The following COL23A1 variants were observed in gnomAD, a reference collection of about 807,000 sequenced individuals.
COL23A1 encodes collagen type XXIII alpha 1 chain.
Under a neutral mutation model 99.3 loss-of-function variants are expected in COL23A1, and 97 were observed. That is an observed-to-expected ratio of 0.98 (90% CI 0.83 to 1.16). The LOEUF (loss-of-function observed/expected upper bound fraction) is 1.16. Among genes scored for constraint, COL23A1 ranks in the 50% most tolerant of loss-of-function variants. COL23A1 has a pLI of 0.00. For synonymous variants in COL23A1, 320 were observed against 308.2 expected (o/e 1.04, Z -0.40); for missense variants, 762 against 757.4 (o/e 1.01, Z -0.07).
intron 2 of COL23A1, among the ~76,000 whole-genome samples, chr5:178,338,211 C>A (rs183308714): frequency 6.6e-6 from 1 of 152,216 alleles, no homozygotes; most frequent in Non-Finnish European, 1.5e-5. Flanking sequence ...CCCAGGCAGA[C>A]AGCACAGCTG....
chr5:178,518,949 C>A (rs1475387620), intron 2 of COL23A1, among the ~76,000 whole-genome samples: 1 of 147,388 alleles, frequency 6.8e-6, no homozygotes, highest in Non-Finnish European at 1.5e-5. Flanking sequence ...TGCGGTCGGT[C>A]GCGGCAGCGG....
At chr5:178,405,468 T>C (rs554329372) in intron 2 of COL23A1, among the ~76,000 whole-genome samples, 1 of 152,354 alleles carries the variant, frequency 6.6e-6, no homozygotes, top group African/African-American at 2.4e-5. Flanking sequence ...TCATTATTAA[T>C]GCCTCATTTA....
At chr5:178,250,708 CATG>C (rs1764984749) in intron 17 of COL23A1, among the ~76,000 whole-genome samples, 1 of 125,746 alleles carries the variant, frequency 8.0e-6, no homozygotes, top group Non-Finnish European at 1.9e-5. Context: ...TTTGGCTGGG[CATG>C]GTGGTTCACA....
chr5:178,393,542 T>C (rs2910127), intron 2 of COL23A1, among the ~76,000 whole-genome samples: 46,820 of 152,062 alleles, frequency 0.31, 9,147 homozygotes, highest in African/African-American at 0.56. Context: ...TATGTTTTAC[T>C]ACAATAAAAA....
At chr5:178,250,818 T>C (rs1441129642) in intron 17 of COL23A1, among the ~76,000 whole-genome samples, 4 of 151,822 alleles carry the variant, frequency 2.6e-5, no homozygotes, top group African/African-American at 9.7e-5. Flanking sequence ...CCCCCTCTAC[T>C]AAAAATATAA....
Position 178,424,756 on chromosome 5 carries a change from CCT to C in COL23A1, c.362-117839_362-117838del, listed in dbSNP as rs143105475. On this transcript the variant is annotated intron_variant, in intron 2 of 28. Coordinates refer to ENST00000390654, the MANE Select transcript of COL23A1 (RefSeq NM_173465.4). ...TGGGCCGCCCTGGCAAGTTATTTAT[CCT>C]CTGAGTTACAGACACTGAATCCATA... Among the ~76,000 whole-genome samples the C allele has an allele frequency of 1.0e-3, 159 of 152,306 alleles. 2 individuals carry two copies. Among genetic ancestry groups the C allele is most frequent in the African/African-American group, 3.6e-3 (151 of 41,552 alleles).
At chr5:178,379,491 T>C (rs552902397) in intron 2 of COL23A1, among the ~76,000 whole-genome samples, 2 of 152,304 alleles carry the variant, frequency 1.3e-5, no homozygotes, top group African/African-American at 4.8e-5. Flanking sequence ...GACACATTAT[T>C]CTCTGTATTT....
intron 2 of COL23A1, among the ~76,000 whole-genome samples, chr5:178,445,281 T>TG (rs1413185127): frequency 6.6e-6 from 1 of 152,230 alleles, no homozygotes; most frequent in Non-Finnish European, 1.5e-5. Flanking sequence ...TTTTTTATAC[T>TG]GGGGTCTGTT....
chr5:178,518,869 C>G (rs1352863639), intron 2 of COL23A1, among the ~76,000 whole-genome samples: 1 of 149,126 alleles, frequency 6.7e-6, no homozygotes, highest in Admixed American at 6.7e-5. Context: ...CTCGCCGGCG[C>G]GGCGGCAAAG....
intron 1 of COL23A1, among the ~76,000 whole-genome samples, chr5:178,579,374 A>C (rs560719046): frequency 2.0e-5 from 3 of 152,344 alleles, no homozygotes; most frequent in Admixed American, 6.5e-5. Flanking sequence ...GAGGTTTGGA[A>C]AAACACTCAT....
intron 5 of COL23A1, 85 bp from the exon 6 acceptor site, chr5:178,270,448 G>T: frequency 6.5e-7 from 1 of 1,535,576 alleles, no homozygotes; most frequent in Non-Finnish European, 8.9e-7. Context: ...ACTATTCAGT[G>T]ACAAGAAAAC....
At chr5:178,289,083 C>T (rs1006592914) in intron 4 of COL23A1, among the ~76,000 whole-genome samples, 16 of 152,228 alleles carry the variant, frequency 1.1e-4, no homozygotes, top group Middle Eastern at 6.8e-3. Context: ...TGCCAAACAT[C>T]GCTTGAAGCC....
Position 178,544,736 on chromosome 5 carries a change from C to T in COL23A1, c.361+15946G>A, listed in dbSNP as rs911996242. On this transcript the variant is annotated intron_variant, in intron 2 of 28. Coordinates refer to ENST00000390654, the MANE Select transcript of COL23A1 (RefSeq NM_173465.4). The surrounding 1 kb of genome is among the most constrained non-coding windows in gnomAD (Gnocchi z 4.4). ...CTCAGAGGCACTGTGGGCTCAGCCT[C>T]CAGGTCACCTGCTGCCCCCGTGCCA... Among the ~76,000 whole-genome samples the T allele has an allele frequency of 6.6e-6, 1 of 152,118 alleles. No homozygotes were observed. Among genetic ancestry groups the T allele is most frequent in the African/African-American group, 2.4e-5 (1 of 41,420 alleles).
At chr5:178,261,111 C>T (rs181689062) in intron 11 of COL23A1, among the ~76,000 whole-genome samples, 32 of 152,212 alleles carry the variant, frequency 2.1e-4, no homozygotes, top group Non-Finnish European at 7.4e-5. Context: ...AAAAACTGTT[C>T]TAAAAATAAA....
chr5:178,298,334 C>T (rs753144541), intron 3 of COL23A1, among the ~76,000 whole-genome samples: 8 of 152,156 alleles, frequency 5.3e-5, no homozygotes, highest in Admixed American at 3.9e-4. Flanking sequence ...AGCAGAGGTG[C>T]GTGGTGATCT....
chr5:178,382,530 C>T (rs961500978), intron 2 of COL23A1, among the ~76,000 whole-genome samples: 1 of 152,012 alleles, frequency 6.6e-6, no homozygotes, highest in Non-Finnish European at 1.5e-5. Context: ...GGGTAGGCGA[C>T]GGGGAAGAGT....
chr5:178,331,838 C>T (rs775930644), intron 2 of COL23A1, among the ~76,000 whole-genome samples: 7 of 152,250 alleles, frequency 4.6e-5, no homozygotes, highest in Non-Finnish European at 1.0e-4. Context: ...AGTGACACAG[C>T]TGTCCTGACC....
rs1052510663 is a variant in COL23A1 at position 178,281,892 on chromosome 5, A to C, written c.441+6432T>G. On this transcript the variant is annotated intron_variant, in intron 5 of 28. Coordinates refer to ENST00000390654, the MANE Select transcript of COL23A1 (RefSeq NM_173465.4). The surrounding 1 kb of genome is among the most constrained non-coding windows in gnomAD (Gnocchi z 4.0). ...TGGCAAAACCCTGTGTCTATTAAAA[A>C]CACAAAAAAATCAGCCAGGCGTGGT... Among the ~76,000 whole-genome samples, 1 of 151,720 alleles carries C rather than the reference A, an allele frequency of 6.6e-6. No homozygotes were observed. Among genetic ancestry groups the C allele is most frequent in the African/African-American group, 2.4e-5 (1 of 41,260 alleles).
rs115949010 is a variant in COL23A1, at chr5:178,587,121, T to C, written c.294+2783A>G. 6.4e-3 allele frequency among the ~76,000 whole-genome samples: 980 copies of C among 152,324 alleles called. 14 individuals carry two copies. The highest frequency in any genetic ancestry group is 0.023 in the African/African-American group (940 of 41,564). On this transcript the variant is annotated intron_variant, in intron 1 of 28. Transcript: ENST00000390654. Reference sequence around the variant, plus strand: ...AAAGTTTTAAGCTTTTATAACATTGTAACTATAGGTATAAGATGGGGGGAT... The same window carrying C: ...AAAGTTTTAAGCTTTTATAACATTGCAACTATAGGTATAAGATGGGGGGAT...
Sources: gnomAD v4.1 joint callset for allele counts (sites outside exome capture counted in the v4.1 genomes callset) on GRCh38, gnomAD v4.1.1 for gene constraint, Gnocchi (gnomAD v3.1) non-coding constraint, MANE v1.5 for transcripts, NCBI Gene and HGNC (gene_info 2026-07-23, HGNC 2026-07-21) for gene names.